Variants in EPB41L3 observed in about 807,000 individuals in gnomAD.
EPB41L3 encodes erythrocyte membrane protein band 4.1 like 3, also known as band 4.1-like protein 3.
In EPB41L3, 57 loss-of-function variants were observed where a neutral mutation model predicts 127.1. The observed-to-expected ratio is 0.45, with a 90% CI of 0.36 to 0.56. The LOEUF is 0.56. EPB41L3 is among the 20% of genes least tolerant of loss of function. The pLI, the probability that EPB41L3 is intolerant of heterozygous loss-of-function variation, is 0.00. For synonymous variants in EPB41L3, 572 were observed against 549.5 expected (o/e 1.04, Z -0.57); for missense variants, 1,273 against 1,372.2 (o/e 0.93, Z 1.14).
rs1214436498 is a variant in EPB41L3, at chr18:5,511,501, CATA to C, written c.-11-22310_-11-22308del. Among the ~76,000 whole-genome samples the C allele has an allele frequency of 1.1e-4, 14 of 126,042 alleles. No homozygotes were observed. The Admixed American group carries it at 1.4e-3, about 13-fold the overall frequency. 82.7% of individuals were successfully genotyped at this position (126,042 alleles called of 152,430 possible). A position where few individuals can be genotyped will look rare whatever the true frequency, so the allele number is the denominator to read the frequency against. ...CTTCTTTGGCCCAGATTGGTTTTTT[CATA>C]ATAAGTCTAACAAAATCAACATGAT... On this transcript the variant is annotated intron_variant, in intron 1 of 22. Coordinates refer to ENST00000341928, the MANE Select transcript of EPB41L3 (RefSeq NM_012307.5).
chr18:5,536,266 T>C (rs2093568888), intron 1 of EPB41L3, among the ~76,000 whole-genome samples: 1 of 151,442 alleles, frequency 6.6e-6, no homozygotes, highest in Non-Finnish European at 1.5e-5. Context: ...AATATCCTGT[T>C]TTACCACAAG....
intron 1 of EPB41L3, among the ~76,000 whole-genome samples, chr18:5,502,918 C>T (rs770893606): frequency 5.3e-5 from 8 of 152,196 alleles, no homozygotes; most frequent in African/African-American, 9.6e-5. Context: ...GAGGGTAACA[C>T]TAGCTACTAA....
intron 1 of EPB41L3, among the ~76,000 whole-genome samples, chr18:5,525,317 G>A (rs950749067): frequency 3.3e-5 from 5 of 152,116 alleles, no homozygotes; most frequent in African/African-American, 9.7e-5. Context: ...GCTCACAGAC[G>A]CCAGCACTGG....
intron 14 of EPB41L3, among the ~76,000 whole-genome samples, chr18:5,409,858 TAATGG>T (rs2075979324): frequency 6.6e-6 from 1 of 152,108 alleles, no homozygotes; most frequent in Admixed American, 6.5e-5. Flanking sequence ...TTTAACTACT[TAATGG>T]TAGAGAAGAT....
At chr18:5,584,994 C>CA (rs368207883) in intron 3 of EPB41L3, among the ~76,000 whole-genome samples, 14 of 151,986 alleles carry the variant, frequency 9.2e-5, no homozygotes, top group African/African-American at 3.4e-4. Flanking sequence ...AGAGGAGGTA[C>CA]AGTTTCCCAA....
intron 2 of EPB41L3, among the ~76,000 whole-genome samples, chr18:5,488,567 A>AATG (rs200537517): frequency 4.2e-4 from 63 of 150,736 alleles, no homozygotes; most frequent in Non-Finnish European, 7.4e-4. Flanking sequence ...GTATAATAAT[A>AATG]ATGATGATGA....
intron 1 of EPB41L3, among the ~76,000 whole-genome samples, chr18:5,507,927 C>T (rs942921413): frequency 6.6e-6 from 1 of 152,160 alleles, no homozygotes; most frequent in Non-Finnish European, 1.5e-5. Flanking sequence ...AGAAAAATAA[C>T]AGTAGCATCT....
At chr18:5,572,107 A>C (rs1223656261) in intron 3 of EPB41L3, among the ~76,000 whole-genome samples, 1 of 152,222 alleles carries the variant, frequency 6.6e-6, no homozygotes, top group Non-Finnish European at 1.5e-5. Flanking sequence ...CCCACTCTAC[A>C]TGTGAAAAGG....
chr18:5,536,524 T>C (rs1022630187), intron 1 of EPB41L3, among the ~76,000 whole-genome samples: 1 of 148,492 alleles, frequency 6.7e-6, no homozygotes, highest in Admixed American at 6.8e-5. Context: ...AAATTTGGCC[T>C]GGTGCGGTGG....
chr18:5,491,511 A>G (rs2090592855), intron 1 of EPB41L3, among the ~76,000 whole-genome samples: 1 of 152,232 alleles, frequency 6.6e-6, no homozygotes, highest in African/African-American at 2.4e-5. Flanking sequence ...CAAGCTAAAT[A>G]AAAATGTAAA....
chr18:5,443,740 G>C, intron 5 of EPB41L3, 98 bp downstream of exon 5: 1 of 869,448 alleles, frequency 1.2e-6, no homozygotes, highest in Non-Finnish European at 1.8e-6. Context: ...AGAAAAGCTT[G>C]TATTCACACT....
intron 2 of EPB41L3, among the ~76,000 whole-genome samples, chr18:5,488,005 A>C (rs1273868610): frequency 6.6e-6 from 1 of 152,160 alleles, no homozygotes; most frequent in Non-Finnish European, 1.5e-5. Context: ...ACCACATACA[A>C]ATCGGCACTC....
At chr18:5,590,106 GACAATACACACTGCT>G (rs879657725) in intron 3 of EPB41L3, among the ~76,000 whole-genome samples, 1 of 152,144 alleles carries the variant, frequency 6.6e-6, no homozygotes, top group Non-Finnish European at 1.5e-5. Context: ...AAAGAAGAAG[GACAATACACACTGCT>G]CCATTCTTTT....
intron 5 of EPB41L3, 56 bp from the exon 6 acceptor site, chr18:5,438,166 T>C: frequency 1.9e-6 from 3 of 1,542,090 alleles, no homozygotes; most frequent in Non-Finnish European, 2.7e-6. Flanking sequence ...ATGACTCTAA[T>C]CGATGGCCAG....
At chr18:5,595,546 T>C (rs139448910) in intron 3 of EPB41L3, among the ~76,000 whole-genome samples, 1 of 152,290 alleles carries the variant, frequency 6.6e-6, no homozygotes, top group Non-Finnish European at 1.5e-5. Flanking sequence ...TTGGGAACAT[T>C]TCCTGGCAGA....
chr18:5,470,326 C>T (rs2085881596), intron 3 of EPB41L3, among the ~76,000 whole-genome samples: 1 of 152,174 alleles, frequency 6.6e-6, no homozygotes, highest in South Asian at 2.1e-4. Context: ...GTCTTCAGTG[C>T]CTGGAATGTA....
chr18:5,570,454 T>G (rs370299909), intron 3 of EPB41L3, among the ~76,000 whole-genome samples: 8 of 152,182 alleles, frequency 5.3e-5, no homozygotes, highest in African/African-American at 1.2e-4. Context: ...TAACTAGGCT[T>G]GCAATGGCTG....
At chr18:5,418,008 TC>T (rs1201111249) in intron 12 of EPB41L3, among the ~76,000 whole-genome samples, 1 of 152,190 alleles carries the variant, frequency 6.6e-6, no homozygotes, top group Non-Finnish European at 1.5e-5. Context: ...TAATACACTT[TC>T]ATTTTGGTTG....
In EPB41L3 at chr18:5,419,858, G is replaced by A. The variant is rs766135976; in HGVS notation, c.1359C>T (p.Tyr453=). The change falls in exon 12 of 23, where the codon TAC becomes TAT. Residue 453 remains tyrosine (Y), a synonymous_variant. Transcript: ENST00000341928. The part of the protein sequence containing the change: ...SLDGEVGTGQ[Y]ATTKGISQTN... Reference sequence around the variant, plus strand: ...TCTGAGAGATGCCTTTTGTTGTGGCGTACTGGCCAGTACCAACCTCTGCAG... The same window carrying A: ...TCTGAGAGATGCCTTTTGTTGTGGCATACTGGCCAGTACCAACCTCTGCAG... 2.4e-5 allele frequency: 38 copies of A among 1,614,002 alleles called. No homozygotes were observed. The Admixed American group carries it at 5.2e-4, about 22-fold the overall frequency.
Sources: allele counts gnomAD v4.1 joint callset (sites outside exome capture counted in the v4.1 genomes callset), GRCh38; gene constraint gnomAD v4.1.1; transcripts MANE v1.5; gene names NCBI Gene and HGNC (gene_info 2026-07-23, HGNC 2026-07-21).